Variants in LGR5 observed in about 807,000 individuals in gnomAD.
LGR5 encodes the protein leucine rich repeat containing G protein-coupled receptor 5, also known as leucine-rich repeat-containing G protein-coupled receptor 5.
A neutral mutation model predicts 76.7 loss-of-function variants in LGR5; 54 were observed. The observed-to-expected ratio is 0.70, with a 90% CI of 0.57 to 0.88. The LOEUF (loss-of-function observed/expected upper bound fraction) is 0.88, where lower values mean the gene tolerates loss of function less well. Among genes scored for constraint, LGR5 ranks in the 40% least tolerant of loss-of-function variants. The probability of loss-of-function intolerance (pLI) is 0.00; values close to 1 mark genes in which losing one functional copy is unlikely to be tolerated. For synonymous variants in LGR5, 406 were observed against 421.9 expected (o/e 0.96, Z 0.46); for missense variants, 1,078 against 1,073.3 (o/e 1.00, Z -0.06).
At chr12:71,517,151 G>A (rs191397106) in intron 2 of LGR5, among the ~76,000 whole-genome samples, 29 of 152,272 alleles carry the variant, frequency 1.9e-4, no homozygotes, top group Admixed American at 1.7e-3. Context: ...TTGAAAGCCT[G>A]TTTTATTCCT....
chr12:71,572,036 T>C (rs10506637), intron 12 of LGR5, among the ~76,000 whole-genome samples: 28,689 of 151,576 alleles, frequency 0.19, 3,093 homozygotes, highest in East Asian at 0.44. Context: ...TGCATGAAAC[T>C]CTTTAGAATT....
chr12:71,457,048 G>C (rs1408994155), intron 1 of LGR5, among the ~76,000 whole-genome samples: 2 of 152,008 alleles, frequency 1.3e-5, no homozygotes, highest in African/African-American at 4.8e-5. Context: ...GGGGAATAAA[G>C]GAGGCATTTA....
rs533856621 is a variant in LGR5 at position 71,483,767 on chromosome 12, T to G, written c.213-20847T>G. On this transcript the variant is annotated intron_variant, in intron 1 of 17. Coordinates refer to ENST00000266674, the MANE Select transcript of LGR5 (RefSeq NM_003667.4). Reference sequence around the variant, plus strand: ...ATTAGGTTGCATGTGTGTGTTTGTGTGTGTGGTGTGTGTGTGTGTACGTGT... The same window carrying G: ...ATTAGGTTGCATGTGTGTGTTTGTGGGTGTGGTGTGTGTGTGTGTACGTGT... Among the ~76,000 whole-genome samples the G allele has an allele frequency of 2.6e-5, 4 of 152,176 alleles. No homozygotes were observed. In the South Asian group the frequency reaches 6.2e-4, roughly 24 times the overall value.
intron 15 of LGR5, 23 bp from the exon 16 acceptor site, chr12:71,580,255 G>C (rs1444849732): frequency 1.9e-6 from 3 of 1,574,346 alleles, no homozygotes; most frequent in South Asian, 2.3e-5. Flanking sequence ...AGTGTTTTTT[G>C]TTTGGGTTTT....
At chr12:71,443,935 T>C (rs952463671) in intron 1 of LGR5, among the ~76,000 whole-genome samples, 2 of 152,094 alleles carry the variant, frequency 1.3e-5, no homozygotes, top group African/African-American at 4.8e-5. Flanking sequence ...TAATTATATG[T>C]AGTTTGGTTA....
intron 5 of LGR5, among the ~76,000 whole-genome samples, chr12:71,555,911 T>C (rs1041558557): frequency 1.3e-5 from 2 of 152,122 alleles, no homozygotes; most frequent in Non-Finnish European, 2.9e-5. Flanking sequence ...ATAGCAAAGA[T>C]GTGGAATCAG....
At position 71,585,968 on chromosome 12, in the gene LGR5, G is replaced by A. The variant is rs1217726440; in HGVS notation, c.*1234G>A. 1 of 152,096 alleles carries A rather than the reference G, an allele frequency of 6.6e-6. No homozygotes were observed. The highest frequency in any genetic ancestry group is 1.9e-4 in the East Asian group (1 of 5,200). The allele number at this position is 152,096 out of a possible 1,614,324, so 9.4% of individuals were successfully genotyped here. A position where few individuals can be genotyped will look rare whatever the true frequency, so the allele number is the denominator to read the frequency against. On this transcript the variant is annotated 3_prime_UTR_variant, in exon 18 of 18. Transcript: ENST00000266674. Reference sequence around the variant, plus strand: ...TAGCTTCAATACATCCAAACCAAATGGCTGTTAGGTAGATTTATTTTTATA... The same window carrying A: ...TAGCTTCAATACATCCAAACCAAATAGCTGTTAGGTAGATTTATTTTTATA...
chr12:71,521,317 G>T (rs953185890), intron 2 of LGR5, among the ~76,000 whole-genome samples: 1 of 152,084 alleles, frequency 6.6e-6, no homozygotes, highest in African/African-American at 2.4e-5. Context: ...AAACCGCGGG[G>T]GTCCATCCTG....
chr12:71,441,020 T>TC (rs1049791202), intron 1 of LGR5, among the ~76,000 whole-genome samples: 2 of 151,976 alleles, frequency 1.3e-5, no homozygotes, highest in Non-Finnish European at 2.9e-5. Flanking sequence ...AACCATCTCT[T>TC]CCCCCGGGGA....
intron 7 of LGR5, among the ~76,000 whole-genome samples, 163 bp from the exon 8 acceptor site, chr12:71,561,618 G>C (rs938021680): frequency 6.6e-6 from 1 of 152,004 alleles, no homozygotes; most frequent in East Asian, 1.9e-4. Context: ...TTATCCTCTA[G>C]AGAGTAAATA....
chr12:71,532,087 T>C (rs1407106956), intron 3 of LGR5, among the ~76,000 whole-genome samples: 1 of 152,212 alleles, frequency 6.6e-6, no homozygotes, highest in Non-Finnish European at 1.5e-5. Flanking sequence ...ACATACCTTG[T>C]ACCAGTAATA....
At chr12:71,508,967 TG>T (rs1875008107) in intron 2 of LGR5, among the ~76,000 whole-genome samples, 1 of 152,184 alleles carries the variant, frequency 6.6e-6, no homozygotes, top group Non-Finnish European at 1.5e-5. Flanking sequence ...GTTTTGTTTT[TG>T]TGACTCTACA....
rs1491042504 is a variant in LGR5, at chr12:71,565,488, T to TAA, written c.858-915_858-914dup. ...ATACATATACATATATATATATATA[T>TAA]AACACATACATATATGCAAGAGCTT... On this transcript the variant is annotated intron_variant, in intron 8 of 17. Coordinates refer to ENST00000266674, the MANE Select transcript of LGR5 (RefSeq NM_003667.4). Among the ~76,000 whole-genome samples the TAA allele has an allele frequency of 3.7e-5, 5 of 134,026 alleles. No individual in the cohort carries two copies. In the Middle Eastern group the frequency reaches 0.013, roughly 344 times the overall value. 87.9% of individuals were successfully genotyped at this position (134,026 alleles called of 152,430 possible). A position where few individuals can be genotyped will look rare whatever the true frequency, so the allele number is the denominator to read the frequency against.
At chr12:71,499,625 C>T (rs1187566933) in intron 1 of LGR5, among the ~76,000 whole-genome samples, 3 of 152,118 alleles carry the variant, frequency 2.0e-5, no homozygotes, top group South Asian at 2.1e-4. Flanking sequence ...GTATGGCTAC[C>T]GTTGGACAGG....
chr12:71,567,855 C>A (rs1385701225), intron 11 of LGR5, among the ~76,000 whole-genome samples: 1 of 152,006 alleles, frequency 6.6e-6, no homozygotes, highest in East Asian at 1.9e-4. Flanking sequence ...TTTGCCCTAC[C>A]CCATCCCACC....
rs573361107 is a variant in LGR5, at chr12:71,566,018, ACTT to A, written c.858-384_858-382del. Reference sequence around the variant, plus strand: ...ACCTTCAGTTGATATCGATAGATAGACTTCGTCTTTCATTAAGTAATGATCTGA... The same window carrying A: ...ACCTTCAGTTGATATCGATAGATAGACGTCTTTCATTAAGTAATGATCTGA... On this transcript the variant is annotated intron_variant, in intron 8 of 17. Transcript: ENST00000266674. 4.5e-3 allele frequency among the ~76,000 whole-genome samples: 682 copies of A among 152,270 alleles called. 6 individuals are homozygous for A. The highest frequency in any genetic ancestry group is 4.8e-3 in the Non-Finnish European group (327 of 67,996).
intron 3 of LGR5, among the ~76,000 whole-genome samples, chr12:71,534,048 A>G (rs1380371239): frequency 6.6e-6 from 1 of 152,228 alleles, no homozygotes; most frequent in African/African-American, 2.4e-5. Context: ...AGAACCAGGC[A>G]GATTGTTTCT....
chr12:71,471,157 TTAA>T (rs977317871), intron 1 of LGR5, among the ~76,000 whole-genome samples: 4 of 152,140 alleles, frequency 2.6e-5, no homozygotes, highest in Non-Finnish European at 5.9e-5. Context: ...TCAAAACTTT[TTAA>T]TAATAATATA....
At chr12:71,518,220 T>A (rs901050499) in intron 2 of LGR5, among the ~76,000 whole-genome samples, 16 of 151,984 alleles carry the variant, frequency 1.1e-4, no homozygotes, top group African/African-American at 3.9e-4. Flanking sequence ...AAAGAAGACA[T>A]ACATGCAGCC....
Sources: allele counts gnomAD v4.1 joint callset (sites outside exome capture counted in the v4.1 genomes callset), GRCh38; gene constraint gnomAD v4.1.1; transcripts MANE v1.5; gene names NCBI Gene and HGNC (gene_info 2026-07-23, HGNC 2026-07-21).